The following LOC128706665 variants were observed in gnomAD, a reference collection of about 807,000 sequenced individuals.
chr20:10,424,246 T>A, the LOC128706665 span, among the ~76,000 whole-genome samples: 28 of 150,898 alleles, frequency 1.9e-4, no homozygotes, highest in Non-Finnish European at 8.8e-5. Context: ...AAGAAAAAAA[T>A]ATATATTAAA....
At chr20:10,419,093 C>A in the LOC128706665 span, among the ~76,000 whole-genome samples, 1 of 151,952 alleles carries the variant, frequency 6.6e-6, no homozygotes, top group African/African-American at 2.4e-5. Flanking sequence ...GTAATTATAC[C>A]AAAAGTCAAA....
At chr20:10,432,518 C>T in the LOC128706665 span, among the ~76,000 whole-genome samples, 2 of 152,126 alleles carry the variant, frequency 1.3e-5, no homozygotes, top group African/African-American at 2.4e-5. Context: ...GTAGGCCAGA[C>T]GCCGTGGGTC....
chr20:10,422,079 G>A, the LOC128706665 span, among the ~76,000 whole-genome samples: 1 of 152,058 alleles, frequency 6.6e-6, no homozygotes, highest in Non-Finnish European at 1.5e-5. Flanking sequence ...ATAGTACTGA[G>A]TTAAATAGTC....
chr20:10,433,165 G>T, the LOC128706665 span, among the ~76,000 whole-genome samples: 3 of 152,224 alleles, frequency 2.0e-5, no homozygotes, highest in African/African-American at 4.8e-5. Flanking sequence ...CACTGCGCCC[G>T]GCTCATTTTT....
chr20:10,433,185 T>C, the LOC128706665 span, among the ~76,000 whole-genome samples: 1 of 152,246 alleles, frequency 6.6e-6, no homozygotes, highest in Non-Finnish European at 1.5e-5. Flanking sequence ...TTTGTACTTT[T>C]AGCAGAGACC....
At chr20:10,422,958 G>A in the LOC128706665 span, among the ~76,000 whole-genome samples, 1 of 152,034 alleles carries the variant, frequency 6.6e-6, no homozygotes, top group Non-Finnish European at 1.5e-5. Flanking sequence ...CGATCCGCTC[G>A]CCTCGGCCTC....
the LOC128706665 span, among the ~76,000 whole-genome samples, chr20:10,421,963 A>T: frequency 6.6e-6 from 1 of 152,172 alleles, no homozygotes; most frequent in East Asian, 1.9e-4. Context: ...TGCATCTCTG[A>T]GTTTTAGTAC....
the LOC128706665 span, among the ~76,000 whole-genome samples, chr20:10,432,613 C>G: frequency 6.6e-6 from 1 of 151,828 alleles, no homozygotes; most frequent in Non-Finnish European, 1.5e-5. Context: ...GCCAACATGG[C>G]GAAACACCAT....
At chr20:10,417,950 A>G in the LOC128706665 span, among the ~76,000 whole-genome samples, 5 of 152,192 alleles carry the variant, frequency 3.3e-5, no homozygotes, top group Admixed American at 1.3e-4. Context: ...GGGAATTGAA[A>G]AGAGATATTA....
chr20:10,431,992 T>A, the LOC128706665 span: 32 of 152,452 alleles, frequency 2.1e-4, no homozygotes, highest in African/African-American at 7.7e-4. Flanking sequence ...TGCTGTGATG[T>A]GCCACCCTGA....
the LOC128706665 span, among the ~76,000 whole-genome samples, chr20:10,433,774 A>C: frequency 1.3e-5 from 2 of 152,038 alleles, no homozygotes; most frequent in Non-Finnish European, 2.9e-5. Flanking sequence ...CCAGCGAGGG[A>C]GGGGACGGGG....
At chr20:10,413,834 A>T in the LOC128706665 span, 1 of 463,092 alleles carries the variant, frequency 2.2e-6, no homozygotes, top group Non-Finnish European at 3.8e-6. Flanking sequence ...CACCTATGAA[A>T]GATATCCCAG....
the LOC128706665 span, among the ~76,000 whole-genome samples, chr20:10,423,339 T>G: frequency 6.6e-6 from 1 of 152,076 alleles, no homozygotes; most frequent in African/African-American, 2.4e-5. Context: ...GAGGATCGCT[T>G]GGACCTTGGG....
the LOC128706665 span, among the ~76,000 whole-genome samples, chr20:10,423,255 C>CA: frequency 2.0e-5 from 3 of 151,982 alleles, no homozygotes; most frequent in African/African-American, 7.2e-5. Context: ...CCCGTTTCTA[C>CA]AAAAAATACA....
the LOC128706665 span, chr20:10,420,742 C>T: frequency 6.6e-6 from 1 of 152,160 alleles, no homozygotes; most frequent in South Asian, 2.1e-4. Flanking sequence ...GCTCATAGTA[C>T]TTCAGCATCA....
chr20:10,424,401 A>C, the LOC128706665 span, among the ~76,000 whole-genome samples: 1 of 152,114 alleles, frequency 6.6e-6, no homozygotes, highest in Non-Finnish European at 1.5e-5. Flanking sequence ...TTTTAAAAGA[A>C]AAAACATATA....
the LOC128706665 span, among the ~76,000 whole-genome samples, chr20:10,427,051 C>G: frequency 3.6e-5 from 5 of 138,806 alleles, no homozygotes; most frequent in African/African-American, 1.0e-4. Context: ...CACACACACA[C>G]ACACACACAC....
At chr20:10,426,605 C>T in the LOC128706665 span, among the ~76,000 whole-genome samples, 6 of 152,280 alleles carry the variant, frequency 3.9e-5, no homozygotes, top group Non-Finnish European at 8.8e-5. Context: ...CACCATGTTG[C>T]CCAGGCTGGT....
chr20:10,427,615 G>A, the LOC128706665 span, among the ~76,000 whole-genome samples: 2 of 152,156 alleles, frequency 1.3e-5, no homozygotes. Context: ...AGTTTGAATT[G>A]TGGCATTTTT....
Sources: allele counts gnomAD v4.1 joint callset (sites outside exome capture counted in the v4.1 genomes callset), GRCh38; gene constraint gnomAD v4.1.1; transcripts MANE v1.5.